Variants in STXBP4 observed in about 807,000 individuals in gnomAD.
STXBP4 encodes the protein syntaxin-binding protein 4.
In STXBP4, 55 loss-of-function variants were observed where a neutral mutation model predicts 76.1. That is an observed-to-expected ratio of 0.72 (90% CI 0.58 to 0.91). STXBP4 has a LOEUF of 0.91. Among genes scored for constraint, STXBP4 ranks in the 40% least tolerant of loss-of-function variants. The pLI is 0.00. For missense variants in STXBP4, 618 were observed against 636.9 expected (o/e 0.97, Z 0.32); for synonymous variants, 201 against 220.2 (o/e 0.91, Z 0.77).
chr17:55,132,022 C>T (rs2079978858), intron 16 of STXBP4, among the ~76,000 whole-genome samples: 1 of 152,268 alleles, frequency 6.6e-6, no homozygotes, highest in East Asian at 1.9e-4. Flanking sequence ...TGCACCTGGG[C>T]AACAGCAGTT....
intron 1 of STXBP4, among the ~76,000 whole-genome samples, chr17:54,980,403 A>T (rs9902950): frequency 0.28 from 42,691 of 152,144 alleles, 6,250 homozygotes; most frequent in African/African-American, 0.35. Context: ...GTTCTTGGCA[A>T]TTTGAACAAA....
chr17:55,013,923 A>G (rs1292466995), intron 8 of STXBP4, among the ~76,000 whole-genome samples: 1 of 152,132 alleles, frequency 6.6e-6, no homozygotes, highest in African/African-American at 2.4e-5. Flanking sequence ...AAGGTCCAGG[A>G]CTGTAAACCA....
chr17:55,131,829 T>A (rs1016131501), intron 16 of STXBP4, among the ~76,000 whole-genome samples: 19 of 152,304 alleles, frequency 1.2e-4, no homozygotes, highest in African/African-American at 4.6e-4. Flanking sequence ...TGGTGCCATC[T>A]AGGCTCACTA....
intron 4 of STXBP4, among the ~76,000 whole-genome samples, chr17:54,993,129 C>T (rs1362294546): frequency 3.9e-5 from 6 of 152,156 alleles, no homozygotes. Context: ...TATCTTCTGT[C>T]AGTGATAGCA....
At chr17:55,065,116 A>G (rs146720321) in intron 12 of STXBP4, among the ~76,000 whole-genome samples, 1 of 152,230 alleles carries the variant, frequency 6.6e-6, no homozygotes, top group Admixed American at 6.5e-5. Context: ...TGCTTTTTCA[A>G]TCAATATTTA....
At position 55,011,508 on chromosome 17, in the gene STXBP4, C is replaced by CTTTTTTTTTTTT. The variant is rs3080154; in HGVS notation, c.666+3917_666+3928dup. On this transcript the variant is annotated intron_variant, in intron 8 of 17. Coordinates refer to ENST00000376352, the MANE Select transcript of STXBP4 (RefSeq NM_178509.6). ...GGATCAAAGAGTTTATTTTCTTTTT[C>CTTTTTTTTTTTT]TTTTTTTTTTTTTTTTTGCAGTTGC... Among the ~76,000 whole-genome samples the CTTTTTTTTTTTT allele has an allele frequency of 6.6e-3, 570 of 85,828 alleles. 21 individuals are homozygous for CTTTTTTTTTTTT. Among genetic ancestry groups the CTTTTTTTTTTTT allele is most frequent in the African/African-American group, 0.016 (305 of 18,760 alleles). 56.3% of individuals were successfully genotyped at this position (85,828 alleles called of 152,430 possible).
chr17:55,024,715 A>G (rs188253639), intron 8 of STXBP4, among the ~76,000 whole-genome samples: 215 of 152,346 alleles, frequency 1.4e-3, no homozygotes, highest in African/African-American at 4.7e-3. Flanking sequence ...ATGTTCATCA[A>G]TAAAAGAACT....
intron 4 of STXBP4, among the ~76,000 whole-genome samples, chr17:54,994,832 A>G (rs926105909): frequency 1.4e-5 from 2 of 145,998 alleles, no homozygotes; most frequent in African/African-American, 2.5e-5. Flanking sequence ...TTTCCATCTC[A>G]TATGCTGTTC....
chr17:55,093,474 G>T (rs572876527), intron 16 of STXBP4, among the ~76,000 whole-genome samples: 83 of 152,192 alleles, frequency 5.5e-4, no homozygotes, highest in African/African-American at 2.0e-3. Flanking sequence ...ACCTGTTTTT[G>T]TAAAACAGCC....
intron 11 of STXBP4, chr17:55,043,659 A>G (rs17818142): frequency 0.22 from 344,267 of 1,547,436 alleles, 39,266 homozygotes; most frequent in Middle Eastern, 0.36. Context: ...AGTCGTGGCA[A>G]TTTTGGATCC....
chr17:55,119,964 C>T (rs909023769), intron 16 of STXBP4, among the ~76,000 whole-genome samples: 3 of 151,984 alleles, frequency 2.0e-5, no homozygotes, highest in Admixed American at 6.6e-5. Flanking sequence ...ATACAGAAAA[C>T]GTTTTAAAAT....
At chr17:55,027,935 T>G (rs1303011556) in intron 8 of STXBP4, among the ~76,000 whole-genome samples, 1 of 152,130 alleles carries the variant, frequency 6.6e-6, no homozygotes, top group East Asian at 1.9e-4. Flanking sequence ...ATATATGCTT[T>G]TAGTATATAC....
intron 13 of STXBP4, among the ~76,000 whole-genome samples, chr17:55,076,680 G>T (rs2079186085): frequency 6.6e-6 from 1 of 152,134 alleles, no homozygotes; most frequent in Non-Finnish European, 1.5e-5. Flanking sequence ...CCGATTCGAA[G>T]AGCAATGTCT....
chr17:54,983,276 AATTTT>A (rs1351153322), intron 1 of STXBP4, among the ~76,000 whole-genome samples: 4 of 152,288 alleles, frequency 2.6e-5, no homozygotes, highest in African/African-American at 9.6e-5. Flanking sequence ...TAAACACCTA[AATTTT>A]ATTTTAAACC....
intron 17 of STXBP4, among the ~76,000 whole-genome samples, chr17:55,145,764 T>G (rs1050670978): frequency 6.6e-6 from 1 of 152,186 alleles, no homozygotes; most frequent in Non-Finnish European, 1.5e-5. Context: ...AATGTATATA[T>G]GCATATATGC....
chr17:55,004,760 G>A (rs1037306223), intron 7 of STXBP4, among the ~76,000 whole-genome samples: 1 of 151,864 alleles, frequency 6.6e-6, no homozygotes, highest in Non-Finnish European at 1.5e-5. Flanking sequence ...AGGAGGAGGA[G>A]AAGGAGACGG....
chr17:55,044,076 C>CA (rs2078751027), intron 11 of STXBP4: 1 of 153,680 alleles, frequency 6.5e-6, no homozygotes, highest in Admixed American at 6.5e-5. Flanking sequence ...AGACTGGTCT[C>CA]AAACACCTGG....
chr17:55,123,864 C>T (rs1428082686), intron 16 of STXBP4, among the ~76,000 whole-genome samples: 5 of 151,322 alleles, frequency 3.3e-5, no homozygotes, highest in African/African-American at 1.2e-4. Context: ...TGCACCACGG[C>T]ACTCCAACCT....
chr17:55,037,758 C>G (rs1416533633), intron 10 of STXBP4, among the ~76,000 whole-genome samples: 1 of 152,080 alleles, frequency 6.6e-6, no homozygotes, highest in Admixed American at 6.6e-5. Context: ...CATTAGTTAC[C>G]TTTTCTATGT....
Sources: allele counts gnomAD v4.1 joint callset (sites outside exome capture counted in the v4.1 genomes callset), GRCh38; gene constraint gnomAD v4.1.1; transcripts MANE v1.5; gene names NCBI Gene and HGNC (gene_info 2026-07-23, HGNC 2026-07-21).